Variants in RB1 observed in about 807,000 individuals in gnomAD.
RB1 encodes RB transcriptional corepressor 1, also known as retinoblastoma-associated protein.
Under a neutral mutation model 135.4 loss-of-function variants are expected in RB1, and 18 were observed. The ratio of observed to expected loss-of-function variants is 0.13; its 90% CI spans 0.09 to 0.20. The LOEUF (loss-of-function observed/expected upper bound fraction) is 0.20, where lower values mean the gene tolerates loss of function less well. RB1 is among the 10% of genes least tolerant of loss of function. RB1 has a pLI of 1.00. For missense variants in RB1, 868 were observed against 1,110.0 expected (o/e 0.78, Z 3.10); for synonymous variants, 365 against 373.2 (o/e 0.98, Z 0.25).
intron 17 of RB1, chr13:48,411,838 G>T: frequency 6.2e-7 from 1 of 1,612,832 alleles, no homozygotes; most frequent in South Asian, 1.1e-5. Flanking sequence ...AAAATTAGAG[G>T]AATAAAAAAT....
At position 48,473,408 on chromosome 13, in the gene RB1, A is replaced by G. The variant is rs1403681311; in HGVS notation, c.2520+18A>G. 3.9e-6 allele frequency: 6 copies of G among 1,531,946 alleles called. No homozygotes were observed. Among genetic ancestry groups the G allele is most frequent in the Non-Finnish European group, 5.4e-6 (6 of 1,107,922 alleles). The allele number at this position is 1,531,946 out of a possible 1,614,324, so 94.9% of individuals were successfully genotyped here. A position where few individuals can be genotyped will look rare whatever the true frequency, so the allele number is the denominator to read the frequency against. On this transcript the variant is annotated intron_variant, in intron 24 of 26. Transcript: ENST00000267163. ...CATTCGGGGTGAGTATTTTCTTTCTATGAAATATAATAGTATGCATTGTAA... is the reference window on the plus strand; with the variant it reads ...CATTCGGGGTGAGTATTTTCTTTCTGTGAAATATAATAGTATGCATTGTAA...
chr13:48,347,961 T>G (rs1259164437), intron 5 of RB1, 98 bp downstream of exon 5: 19 of 895,772 alleles, frequency 2.1e-5, no homozygotes, highest in Non-Finnish European at 3.2e-5. Flanking sequence ...TGATCGATTA[T>G]AGCAGGCTAC....
intron 2 of RB1, among the ~76,000 whole-genome samples, chr13:48,337,950 G>T (rs1376024011): frequency 1.3e-5 from 2 of 152,180 alleles, no homozygotes; most frequent in Non-Finnish European, 2.9e-5. Flanking sequence ...GCCTAGTTTG[G>T]CTGGATATGA....
chr13:48,379,449 C>T, intron 13 of RB1, 145 bp from the exon 14 acceptor site: 4 of 1,081,086 alleles, frequency 3.7e-6, no homozygotes, highest in South Asian at 3.1e-5. Context: ...TCTTGGGAGG[C>T]CAAAGCAGGA....
chr13:48,373,360 C>A (rs1285629437), intron 11 of RB1, 45 bp from the exon 12 acceptor site: 3 of 1,167,648 alleles, frequency 2.6e-6, no homozygotes, highest in South Asian at 1.3e-5. Context: ...TTCTTTTTTT[C>A]TCCCTTCATT....
At chr13:48,448,605 G>C (rs1342388662) in intron 17 of RB1, among the ~76,000 whole-genome samples, 2 of 152,190 alleles carry the variant, frequency 1.3e-5, no homozygotes, top group African/African-American at 4.8e-5. Flanking sequence ...AGCTTATCAA[G>C]TACCTACTTG....
chr13:48,458,051 C>T (rs547812198), intron 19 of RB1, among the ~76,000 whole-genome samples: 1 of 152,208 alleles, frequency 6.6e-6, no homozygotes, highest in Non-Finnish European at 1.5e-5. Context: ...GCAGCGGTGG[C>T]TTGGGCGGCT....
chr13:48,408,753 G>C (rs540284967), intron 17 of RB1: 2 of 152,196 alleles, frequency 1.3e-5, no homozygotes, highest in African/African-American at 4.8e-5. Context: ...CAAAACTTTT[G>C]ATTCATTTAT....
intron 17 of RB1, among the ~76,000 whole-genome samples, chr13:48,448,176 T>C (rs909814418): frequency 2.0e-5 from 3 of 152,230 alleles, no homozygotes; most frequent in African/African-American, 7.2e-5. Context: ...ACAGTATGTG[T>C]ATTAGCTGGA....
chr13:48,398,943 A>T (rs1208475041), intron 17 of RB1, among the ~76,000 whole-genome samples: 2 of 152,110 alleles, frequency 1.3e-5, no homozygotes, highest in Admixed American at 6.6e-5. Context: ...TGTGCAGTGC[A>T]CTGTGACTAT....
intron 17 of RB1, among the ~76,000 whole-genome samples, chr13:48,406,203 G>C (rs530225282): frequency 6.7e-6 from 1 of 148,926 alleles, no homozygotes; most frequent in East Asian, 1.9e-4. Flanking sequence ...AAGGGTTAAT[G>C]TGTGTGTGTA....
At chr13:48,425,000 C>T (rs976852317) in intron 17 of RB1, among the ~76,000 whole-genome samples, 21 of 151,796 alleles carry the variant, frequency 1.4e-4, no homozygotes, top group Non-Finnish European at 1.2e-4. Context: ...GTTGCAGTGA[C>T]GGAGATCATG....
chr13:48,432,950 G>A (rs904524558), intron 17 of RB1, among the ~76,000 whole-genome samples: 3 of 152,044 alleles, frequency 2.0e-5, no homozygotes, highest in African/African-American at 7.2e-5. Flanking sequence ...TGCTTATATA[G>A]TTGAAATCAG....
intron 2 of RB1, among the ~76,000 whole-genome samples, chr13:48,312,998 A>G (rs1008329631): frequency 4.6e-5 from 7 of 151,962 alleles, no homozygotes; most frequent in African/African-American, 1.7e-4. Flanking sequence ...TAAAGTCCAA[A>G]CTTTCTCAGT....
rs1949359489 is a variant in RB1, at chr13:48,456,284, C to T, written c.1895C>T (p.Ala632Val). The change falls in exon 19 of 27, where the codon GCA (alanine) becomes GTA (valine). Residue 632 changes from alanine to valine, a missense_variant. This residue lies in a region of RB1 where 641 missense variants were observed against 791.3 expected (regional missense o/e 0.81). Transcript: ENST00000267163. The part of the protein sequence containing the change: ...VNSTANAETQ[A>V]TSAFQTQKPL... ...TCTACTGCAAATGCAGAGACACAAG[C>T]AACCTCAGCCTTCCAGACCCAGAAG... 2.5e-6 allele frequency: 4 copies of T among 1,614,220 alleles called. No individual in the cohort carries two copies. The highest frequency in any genetic ancestry group is 3.4e-6 in the Non-Finnish European group (4 of 1,180,034).
chr13:48,333,735 G>GA lies in RB1; in HGVS notation c.265-8855dup, dbSNP rs369961896. The stretch of plus-strand genomic sequence containing the variant: ...TCTCTGAGCATATGGAGAAAAAAAA[G>GA]AAAAAAAAACAAAGAGAGAAAAAGC... On this transcript the variant is annotated intron_variant, in intron 2 of 26. Transcript: ENST00000267163. Among the ~76,000 whole-genome samples the GA allele has an allele frequency of 5.9e-3, 791 of 133,702 alleles. 7 individuals carry two copies. Among genetic ancestry groups the GA allele is most frequent in the African/African-American group, 0.02 (741 of 37,356 alleles). 87.7% of individuals were successfully genotyped at this position (133,702 alleles called of 152,430 possible).
At chr13:48,403,914 T>C (rs866683615) in intron 17 of RB1, among the ~76,000 whole-genome samples, 1 of 152,086 alleles carries the variant, frequency 6.6e-6, no homozygotes, top group South Asian at 2.1e-4. Context: ...GGAGGGAGGA[T>C]TGCTTGAGCC....
At chr13:48,388,634 C>A (rs868583354) in intron 17 of RB1, among the ~76,000 whole-genome samples, 1 of 152,136 alleles carries the variant, frequency 6.6e-6, no homozygotes, top group East Asian at 1.9e-4. Flanking sequence ...GAACCCAGGT[C>A]TTTCTGGCTC....
intron 17 of RB1, among the ~76,000 whole-genome samples, chr13:48,435,002 A>G (rs762437820): frequency 2.0e-5 from 3 of 152,226 alleles, no homozygotes; most frequent in Non-Finnish European, 4.4e-5. Context: ...GTTTTTGGCT[A>G]TCACAAATAA....
Sources: allele counts gnomAD v4.1 joint callset (sites outside exome capture counted in the v4.1 genomes callset), GRCh38; gene constraint gnomAD v4.1.1; regional missense constraint gnomAD v4.1.1; transcripts MANE v1.5; gene names NCBI Gene and HGNC (gene_info 2026-07-23, HGNC 2026-07-21).